The following AAGAB variants were observed in gnomAD, a reference collection of about 807,000 sequenced individuals.
AAGAB encodes the protein alpha- and gamma-adaptin-binding protein p34.
Under a neutral mutation model 44.1 loss-of-function variants are expected in AAGAB, and 38 were observed. That is an observed-to-expected ratio of 0.86 (90% confidence interval 0.67 to 1.13). The LOEUF (loss-of-function observed/expected upper bound fraction) is 1.13. Among genes scored for constraint, AAGAB ranks in the 50% most tolerant of loss-of-function variants. The pLI is 0.00. For missense variants in AAGAB, 450 were observed against 373.8 expected (o/e 1.20, Z -1.68); for synonymous variants, 131 against 131.8 (o/e 0.99, Z 0.04).
At chr15:67,226,953 G>A in intron 5 of AAGAB, 1 of 272,264 alleles carries the variant, frequency 3.7e-6, no homozygotes, top group Non-Finnish European at 7.7e-6. Flanking sequence ...CCAAGAAACT[G>A]CAAAGAAATA....
chr15:67,221,542 G>C (rs1328583474), intron 5 of AAGAB, among the ~76,000 whole-genome samples: 1 of 152,172 alleles, frequency 6.6e-6, no homozygotes, highest in Non-Finnish European at 1.5e-5. Context: ...TAGCTCAAAA[G>C]TTCCTAACAG....
At position 67,231,918 on chromosome 15, in the gene AAGAB, T is replaced by G. The variant is rs760818075; in HGVS notation, c.452-21A>C. ...GTCATCTAATCAGGGAGGGGAAATA[T>G]ATATATTTATATGCAACACTCACAC... is the stretch of plus-strand genomic sequence containing the variant. On this transcript the variant is annotated intron_variant, in intron 4 of 9. Coordinates refer to ENST00000261880, the MANE Select transcript of AAGAB (RefSeq NM_024666.5). The G allele has an allele frequency of 2.6e-6, 4 of 1,560,664 alleles. No homozygotes were observed. In the East Asian group the frequency reaches 9.0e-5, roughly 35 times the overall value.
At chr15:67,254,777 TC>T (rs761539733), upstream of AAGAB, 1 of 1,337,714 alleles carries the variant, frequency 7.5e-7, no homozygotes. Context: ...CCCCTTCCGC[TC>T]CCAGCGTGGA....
chr15:67,254,315 A>G, intron 1 of AAGAB: 1 of 1,114,662 alleles, frequency 9.0e-7, no homozygotes, highest in Non-Finnish European at 1.2e-6. Context: ...GGCTGAGCAG[A>G]GCGGGAAATC....
chr15:67,216,209 C>T (rs1007947176), intron 5 of AAGAB, among the ~76,000 whole-genome samples: 8 of 151,630 alleles, frequency 5.3e-5, no homozygotes, highest in East Asian at 1.9e-4. Flanking sequence ...TTTGGGAGGC[C>T]GAGGCAGGAG....
At position 67,231,889 on chromosome 15, in the gene AAGAB, G is replaced by T. The variant is rs771436681; in HGVS notation, c.460C>A (p.Pro154Thr). 6.2e-7 allele frequency: 1 copy of T among 1,608,554 alleles called. No homozygotes were observed. The highest frequency in any genetic ancestry group is 8.5e-7 in the Non-Finnish European group (1 of 1,175,524). ...EELPEEDDDFPESTGVKRIVQ... is the reference protein window; with the variant it reads ...EELPEEDDDFTESTGVKRIVQ... ...ATTCGCTTTACTCCTGTAGATTCTGGGAAGTCATCTAATCAGGGAGGGGAA... is the reference window on the plus strand; with the variant it reads ...ATTCGCTTTACTCCTGTAGATTCTGTGAAGTCATCTAATCAGGGAGGGGAA... The change falls in exon 5 of 10, where the codon CCA (proline) becomes ACA (threonine). Residue 154 changes from proline (P) to threonine (T), a missense_variant. By Grantham distance (38) the Pro-to-Thr change is conservative (BLOSUM62 -1). Coordinates refer to ENST00000261880, the MANE Select transcript of AAGAB (RefSeq NM_024666.5).
At chr15:67,203,105 A>G (rs1963604704) in intron 9 of AAGAB, among the ~76,000 whole-genome samples, 1 of 152,252 alleles carries the variant, frequency 6.6e-6, no homozygotes, top group East Asian at 1.9e-4. Flanking sequence ...AGTTGTATAC[A>G]AAGATGATGT....
intron 5 of AAGAB, among the ~76,000 whole-genome samples, 180 bp from the exon 6 acceptor site, chr15:67,209,724 C>G (rs914748065): frequency 2.0e-5 from 3 of 152,230 alleles, no homozygotes; most frequent in African/African-American, 7.2e-5. Flanking sequence ...ACAATCACAG[C>G]TCAGTGCAAC....
rs546630068 is a variant in AAGAB at position 67,237,894 on chromosome 15, C to T, written c.74-1074G>A. Among the ~76,000 whole-genome samples the T allele has an allele frequency of 3.3e-5, 5 of 152,268 alleles. No homozygotes were observed. In the East Asian group the frequency reaches 9.7e-4, roughly 29 times the overall value. ...CTGAAAACTAGAAATTAAATTTTAA[C>T]TCCCAGAGCTAACATTATATATTTG... On this transcript the variant is annotated intron_variant, in intron 1 of 9. Coordinates refer to ENST00000261880, the MANE Select transcript of AAGAB (RefSeq NM_024666.5).
intron 5 of AAGAB, among the ~76,000 whole-genome samples, chr15:67,224,768 A>T (rs926065039): frequency 2.0e-5 from 3 of 151,966 alleles, no homozygotes; most frequent in Admixed American, 6.6e-5. Flanking sequence ...TTTTGTAGAG[A>T]TGAGGTTTCA....
intron 5 of AAGAB, among the ~76,000 whole-genome samples, chr15:67,224,103 GTATTGTT>G (rs1308580927): frequency 6.6e-6 from 1 of 152,162 alleles, no homozygotes; most frequent in Non-Finnish European, 1.5e-5. Context: ...CTAATTGCTT[GTATTGTT>G]TATTGACTAT....
upstream of AAGAB, chr15:67,254,746 G>T: frequency 7.4e-7 from 1 of 1,346,532 alleles, no homozygotes; most frequent in Non-Finnish European, 1.0e-6. Flanking sequence ...TGACCAGGCT[G>T]GCCTGACCCC....
chr15:67,202,938 A>G (rs1377456074), intron 9 of AAGAB, 40 bp from the exon 10 acceptor site: 25 of 1,585,736 alleles, frequency 1.6e-5, no homozygotes, highest in Non-Finnish European at 2.1e-5. Context: ...GGCAACAGCT[A>G]CATTTCAGCT....
intron 1 of AAGAB, among the ~76,000 whole-genome samples, chr15:67,245,173 A>G (rs1215946610): frequency 6.6e-6 from 1 of 152,220 alleles, no homozygotes; most frequent in Non-Finnish European, 1.5e-5. Context: ...ACCCAAGAGA[A>G]ATGAAAACAG....
rs777190296 is a variant in AAGAB at position 67,209,514 on chromosome 15, G to C, written c.566C>G (p.Ser189Ter). The C allele has an allele frequency of 6.2e-7, 1 of 1,614,152 alleles. No homozygotes were observed. Among genetic ancestry groups the C allele is most frequent in the Non-Finnish European group, 8.5e-7 (1 of 1,180,008 alleles). ...DRNQGFSLLN[S>*]LTGTNHSIGS... The stretch of plus-strand genomic sequence containing the variant: ...AATGCTATGGTTTGTTCCAGTCAAT[G>C]AGTTGAGAAGGCTAAAGCCTTGGTT... The change falls in exon 6 of 10, where the codon TCA (serine) becomes TGA (stop). Residue 189 changes from serine to a stop codon, truncating the protein, a stop_gained. Transcript: ENST00000261880. LOFTEE classifies it high-confidence loss of function.
chr15:67,244,924 T>G (rs904113561), intron 1 of AAGAB, among the ~76,000 whole-genome samples: 1 of 152,138 alleles, frequency 6.6e-6, no homozygotes, highest in East Asian at 1.9e-4. Context: ...CATGAGTTAT[T>G]AAGGAAATGC....
chr15:67,234,121 C>T (rs536288248), intron 4 of AAGAB, among the ~76,000 whole-genome samples: 4 of 150,198 alleles, frequency 2.7e-5, no homozygotes, highest in Non-Finnish European at 3.0e-5. Context: ...GGCGTGGTGG[C>T]GGGCGCCTGC....
intron 1 of AAGAB, among the ~76,000 whole-genome samples, chr15:67,248,907 T>C (rs906442929): frequency 6.6e-6 from 1 of 152,246 alleles, no homozygotes; most frequent in Non-Finnish European, 1.5e-5. Flanking sequence ...CTAAATTTTC[T>C]ACTCCATCTA....
In AAGAB at chr15:67,235,964, C is replaced by T. The variant is rs780617715; in HGVS notation, c.451+15G>A. On this transcript the variant is annotated intron_variant, in intron 4 of 9. Transcript: ENST00000261880. Reference sequence around the variant, plus strand: ...ATCTAAGTGCCATATTTTCTCCTAACACATAAACACTTACCATCCTCCTCA... The same window carrying T: ...ATCTAAGTGCCATATTTTCTCCTAATACATAAACACTTACCATCCTCCTCA... 1.3e-5 allele frequency: 21 copies of T among 1,566,366 alleles called. No homozygotes were observed. The South Asian group carries it at 2.3e-4, about 17-fold the overall frequency.
Sources: allele counts gnomAD v4.1 joint callset (sites outside exome capture counted in the v4.1 genomes callset), GRCh38; gene constraint gnomAD v4.1.1; transcripts MANE v1.5; gene names NCBI Gene and HGNC (gene_info 2026-07-23, HGNC 2026-07-21).